Variants in SMARCC2 observed in about 807,000 individuals in gnomAD.
The protein encoded by SMARCC2 is SWI/SNF complex subunit SMARCC2.
In SMARCC2, 15 loss-of-function variants were observed where a neutral mutation model predicts 151.3. That is an observed-to-expected ratio of 0.10 (90% CI 0.07 to 0.15). The LOEUF (loss-of-function observed/expected upper bound fraction) is 0.15. SMARCC2 is among the 10% of genes least tolerant of loss of function. SMARCC2 has a pLI of 1.00. For missense variants in SMARCC2, 1,031 were observed against 1,599.7 expected (o/e 0.64, Z 6.06); for synonymous variants, 590 against 609.5 (o/e 0.97, Z 0.47).
chr12:56,182,147 CT>C (rs1369665063), intron 7 of SMARCC2, 68 bp from the exon 8 acceptor site: 2 of 1,061,744 alleles, frequency 1.9e-6, no homozygotes, highest in Non-Finnish European at 1.4e-6. Flanking sequence ...AAGTGCAGAT[CT>C]TTTACCCTTT....
chr12:56,173,634 AG>A, intron 17 of SMARCC2, 61 bp downstream of exon 17: 1 of 1,464,674 alleles, frequency 6.8e-7, no homozygotes, highest in Non-Finnish European at 9.3e-7. Flanking sequence ...AACCAGAAAA[AG>A]AAAAGTTCAA....
In SMARCC2 at chr12:56,181,447, T is replaced by C. The variant is rs376991831; in HGVS notation, c.956+35A>G. On this transcript the variant is annotated intron_variant, in intron 10 of 28. Transcript: ENST00000550164. Reference sequence around the variant, plus strand: ...TTCCTTCAACATGATGTGGAGAGAATGGTGAACACGGGGGCAGGCTAGGGG... The same window carrying C: ...TTCCTTCAACATGATGTGGAGAGAACGGTGAACACGGGGGCAGGCTAGGGG... The C allele has an allele frequency of 6.2e-5, 77 of 1,240,934 alleles. 3 individuals carry two copies. Among genetic ancestry groups the C allele is most frequent in the South Asian group, 5.4e-4 (37 of 67,918 alleles). The allele number at this position is 1,240,934 out of a possible 1,614,324, so 76.9% of individuals were successfully genotyped here. A position where few individuals can be genotyped will look rare whatever the true frequency, so the allele number is the denominator to read the frequency against.
chr12:56,164,798 ATTT>A (rs539098320), intron 27 of SMARCC2, 67 bp from the exon 28 acceptor site: 3 of 1,154,680 alleles, frequency 2.6e-6, no homozygotes, highest in East Asian at 3.0e-5. Flanking sequence ...CACCTTTTCT[ATTT>A]TTTTTTTAGA....
chr12:56,179,953 G>A (rs1418914924), intron 11 of SMARCC2, among the ~76,000 whole-genome samples: 1 of 151,986 alleles, frequency 6.6e-6, no homozygotes, highest in Non-Finnish European at 1.5e-5. Flanking sequence ...CCAAAGTGCT[G>A]GGATTACAGG....
rs57344405 is a variant in SMARCC2, at chr12:56,167,889, A to AACACACACACACACAC, written c.2850+155_2850+170dup. ...CCCACTGTTGCTTATCTTTCACTGA[A>AACACACACACACACAC]ACACACACACACACACACACACTCA... On this transcript the variant is annotated intron_variant, in intron 26 of 28. Coordinates refer to ENST00000550164, the MANE Select transcript of SMARCC2 (RefSeq NM_001330288.2). Among the ~76,000 whole-genome samples, 2,744 of 132,590 alleles carry AACACACACACACACAC rather than the reference A, an allele frequency of 0.021. 127 individuals are homozygous for AACACACACACACACAC. The highest frequency in any genetic ancestry group is 0.076 in the African/African-American group (2,610 of 34,286). 87.0% of individuals were successfully genotyped at this position (132,590 alleles called of 152,430 possible).
At chr12:56,184,100 C>T in intron 6 of SMARCC2, 75 bp downstream of exon 6, 1 of 1,194,096 alleles carries the variant, frequency 8.4e-7, no homozygotes, top group South Asian at 1.3e-5. Flanking sequence ...AGCCCAGGTA[C>T]TGAATGGTGA....
Position 56,164,734 on chromosome 12 carries a change from G to A in SMARCC2, c.3233-3C>T, listed in dbSNP as rs774804446. The A allele has an allele frequency of 1.1e-5, 18 of 1,597,372 alleles. No individual in the cohort carries two copies. The East Asian group carries it at 2.0e-4, about 18-fold the overall frequency. On this transcript the variant is annotated splice_region_variant and splice_polypyrimidine_tract_variant and intron_variant, in intron 27 of 28. Coordinates refer to ENST00000550164, the MANE Select transcript of SMARCC2 (RefSeq NM_001330288.2). ...TTGGTTGGGGAACGGTGAGGGGCCT[G>A]AGAATAAAGATGAGAGATGGAGAAA...
chr12:56,171,539 G>C lies in SMARCC2; in HGVS notation c.2186-107C>G. On this transcript the variant is annotated intron_variant, in intron 21 of 28. Transcript: ENST00000550164. This position sits in a 1 kb window ranked among gnomAD's most constrained non-coding sequence, Gnocchi z 4.2. The stretch of plus-strand genomic sequence containing the variant: ...CCATGTCTTCATCTAAGCTAGTATG[G>C]AGCCTAGACAGGTGCCTGAGCTGAG... The C allele has an allele frequency of 6.6e-7, 1 of 1,518,172 alleles. No homozygotes were observed. The highest frequency in any genetic ancestry group is 9.0e-7 in the Non-Finnish European group (1 of 1,110,088). The allele number at this position is 1,518,172 out of a possible 1,614,324, so 94.0% of individuals were successfully genotyped here. A position where few individuals can be genotyped will look rare whatever the true frequency, so the allele number is the denominator to read the frequency against.
intron 15 of SMARCC2, among the ~76,000 whole-genome samples, chr12:56,177,032 G>C (rs995986347): frequency 6.6e-6 from 1 of 152,026 alleles, no homozygotes; most frequent in African/African-American, 2.4e-5. Flanking sequence ...TGTTGGTCAG[G>C]CTGAGCTCGA....
In SMARCC2 at chr12:56,178,050, C is replaced by T. The variant is rs564052791; in HGVS notation, c.1354G>A (p.Gly452Ser). The T allele has an allele frequency of 1.1e-5, 17 of 1,613,182 alleles. No homozygotes were observed. Among genetic ancestry groups the T allele is most frequent in the Middle Eastern group, 1.7e-4 (1 of 6,052 alleles). ...ERRALPEFFN[G>S]KNKSKTPEIY... Reference sequence around the variant, plus strand: ...TCTGGAGTCTTGGACTTGTTCTTGCCGTTGAAGAACTCGGGGAGAGCCCTC... The same window carrying T: ...TCTGGAGTCTTGGACTTGTTCTTGCTGTTGAAGAACTCGGGGAGAGCCCTC... The change falls in exon 15 of 29, where the codon GGC becomes AGC. Residue 452 changes from glycine (G) to serine (S), a missense_variant. By Grantham distance (56) the Gly-to-Ser change is moderately conservative (BLOSUM62 0). Transcript: ENST00000550164.
Position 56,178,101 on chromosome 12 carries a change from A to C in SMARCC2, c.1311-8T>G. The C allele has an allele frequency of 6.2e-7, 1 of 1,610,544 alleles. No individual in the cohort carries two copies. Among genetic ancestry groups the C allele is most frequent in the Non-Finnish European group, 8.5e-7 (1 of 1,177,854 alleles). On this transcript the variant is annotated splice_region_variant and splice_polypyrimidine_tract_variant and intron_variant, in intron 14 of 28. Transcript: ENST00000550164. The stretch of plus-strand genomic sequence containing the variant: ...CGCTCAATGGCATGAACACTGCAAG[A>C]AAAGCCAGAATGGTTTCAGAAGAAG...
chr12:56,186,014 T>G, intron 3 of SMARCC2, 141 bp downstream of exon 3: 1 of 669,800 alleles, frequency 1.5e-6, no homozygotes. Flanking sequence ...CCAACCATCT[T>G]CCTGACGTAG....
At chr12:56,172,231 CCA>C (rs1874085694) in intron 20 of SMARCC2, 195 bp downstream of exon 20, 2 of 553,942 alleles carry the variant, frequency 3.6e-6, no homozygotes, top group South Asian at 5.2e-5. Context: ...CAGGTGTGTG[CCA>C]CCACACCTGG....
chr12:56,186,265 G>A (rs1457037000), intron 2 of SMARCC2, 25 bp from the exon 3 acceptor site: 5 of 1,422,484 alleles, frequency 3.5e-6, no homozygotes, highest in Non-Finnish European at 4.0e-6. Context: ...TACGGAAAAA[G>A]CATGTCAAGG....
chr12:56,186,321 C>A, intron 2 of SMARCC2, 81 bp from the exon 3 acceptor site: 7 of 836,878 alleles, frequency 8.4e-6, no homozygotes, highest in Non-Finnish European at 1.0e-5. Flanking sequence ...ATAATCCTTT[C>A]ACAAAATCCC....
At chr12:56,175,834 T>C (rs1053649344) in intron 15 of SMARCC2, among the ~76,000 whole-genome samples, 2 of 152,168 alleles carry the variant, frequency 1.3e-5, no homozygotes, top group Non-Finnish European at 2.9e-5. Flanking sequence ...AAGCTCTCAA[T>C]AGATGCAGGC....
chr12:56,185,458 C>G (rs1459179483), intron 3 of SMARCC2: 1 of 240,756 alleles, frequency 4.2e-6, no homozygotes, highest in Non-Finnish European at 8.2e-6. Flanking sequence ...GCTGGGATTA[C>G]AGGCATGAGC....
Position 56,162,538 on chromosome 12 carries a change from A to G in SMARCC2, c.*1151T>C. The G allele has an allele frequency of 1.9e-6, 1 of 514,614 alleles. No individual in the cohort carries two copies. The highest frequency in any genetic ancestry group is 1.9e-5 in the African/African-American group (1 of 51,782). 31.9% of individuals were successfully genotyped at this position (514,614 alleles called of 1,614,324 possible). ...CAAGAAGAACCAGTGCAGAGCCTGG[A>G]GTCACACCTGCCTTCCCGTCACAGG... On this transcript the variant is annotated 3_prime_UTR_variant, in exon 29 of 29. Transcript: ENST00000550164.
At chr12:56,179,815 T>C (rs982565696) in intron 11 of SMARCC2, among the ~76,000 whole-genome samples, 6 of 152,008 alleles carry the variant, frequency 3.9e-5, no homozygotes, top group Non-Finnish European at 8.8e-5. Flanking sequence ...GCCTCCCGAA[T>C]AGCTAGGATT....
Sources: allele counts gnomAD v4.1 joint callset (sites outside exome capture counted in the v4.1 genomes callset), GRCh38; gene constraint gnomAD v4.1.1; non-coding constraint Gnocchi (gnomAD v3.1); transcripts MANE v1.5; gene names NCBI Gene and HGNC (gene_info 2026-07-23, HGNC 2026-07-21).